Variants in POLR2B observed in about 807,000 individuals in gnomAD.
POLR2B encodes DNA-directed RNA polymerase II subunit RPB2.
POLR2B carries 57 observed loss-of-function variants against 144.6 expected under a neutral mutation model. The ratio of observed to expected loss-of-function variants is 0.39; its 90% CI spans 0.32 to 0.49. The LOEUF is 0.49. POLR2B is among the 20% of genes least tolerant of loss of function. POLR2B has a pLI of 0.83. For missense variants in POLR2B, 595 were observed against 1,467.4 expected (o/e 0.41, Z 9.71); for synonymous variants, 442 against 469.8 (o/e 0.94, Z 0.77).
chr4:56,986,751 A>G (rs972768318), intron 2 of POLR2B: 11 of 178,376 alleles, frequency 6.2e-5, no homozygotes, highest in Non-Finnish European at 9.3e-5. Flanking sequence ...CGAAGGTCGC[A>G]CCGCTGCACT....
At chr4:56,987,332 A>G (rs947090018) in intron 2 of POLR2B, among the ~76,000 whole-genome samples, 2 of 152,190 alleles carry the variant, frequency 1.3e-5, no homozygotes, top group African/African-American at 2.4e-5. Flanking sequence ...GAAGCCTTGT[A>G]TAGGTAAGAA....
rs576936326 is a variant in POLR2B at position 56,979,772 on chromosome 4, G to A, written c.19+768G>A. ...AAATTAGCCTAGTGTGATGGCGTGC[G>A]CCTGTAATCCCAGCTACTCGGGAGG... is the stretch of plus-strand genomic sequence containing the variant. On this transcript the variant is annotated intron_variant, in intron 1 of 24. Coordinates refer to ENST00000314595, the MANE Select transcript of POLR2B (RefSeq NM_000938.3). Among the ~76,000 whole-genome samples, 15 of 152,062 alleles carry A rather than the reference G, an allele frequency of 9.9e-5. No homozygotes were observed. The East Asian group carries it at 2.7e-3, about 27-fold the overall frequency.
chr4:57,003,667 ACT>A (rs775355431), intron 7 of POLR2B, among the ~76,000 whole-genome samples: 13 of 151,534 alleles, frequency 8.6e-5, no homozygotes, highest in Non-Finnish European at 1.5e-4. Flanking sequence ...AGCTTGGGAA[ACT>A]CTGTCTCTAC....
intron 1 of POLR2B, among the ~76,000 whole-genome samples, chr4:56,980,128 G>A (rs1276623587): frequency 7.0e-6 from 1 of 142,302 alleles, no homozygotes; most frequent in African/African-American, 2.6e-5. Context: ...GTCTGGCCAT[G>A]TTGCCCAGGC....
chr4:56,999,567 T>A (rs1191198225), intron 6 of POLR2B, 50 bp from the exon 7 acceptor site: 9 of 1,221,232 alleles, frequency 7.4e-6, no homozygotes, highest in Non-Finnish European at 1.0e-5. Context: ...GTTTTTATAT[T>A]GCTGTGAGCT....
At position 57,015,674 on chromosome 4, in the gene POLR2B, G is replaced by A. The variant is rs1348622103; in HGVS notation, c.1955+18G>A. 8.0e-7 allele frequency: 1 copy of A among 1,254,246 alleles called. No individual in the cohort carries two copies. The highest frequency in any genetic ancestry group is 2.8e-5 in the East Asian group (1 of 35,806). 77.7% of individuals were successfully genotyped at this position (1,254,246 alleles called of 1,614,324 possible). ...AACTATAGGTAAAAACATGCAGTGA[G>A]AAAAATGTGTGTATTAAAAATTGAG... On this transcript the variant is annotated intron_variant, in intron 14 of 24. Transcript: ENST00000314595.
At chr4:57,027,065 G>C (rs926844561) in intron 23 of POLR2B, among the ~76,000 whole-genome samples, 1 of 152,068 alleles carries the variant, frequency 6.6e-6, no homozygotes, top group Non-Finnish European at 1.5e-5. Context: ...CTGGAGTGCA[G>C]TGGTGCGATC....
At chr4:57,012,126 C>T (rs1188710957) in intron 13 of POLR2B, among the ~76,000 whole-genome samples, 3 of 151,794 alleles carry the variant, frequency 2.0e-5, no homozygotes, top group South Asian at 2.1e-4. Flanking sequence ...ACAATAAGGC[C>T]GGGCCTGGTG....
At chr4:57,018,800 TAAGA>T (rs1187413082) in intron 16 of POLR2B, among the ~76,000 whole-genome samples, 1 of 152,056 alleles carries the variant, frequency 6.6e-6, no homozygotes, top group East Asian at 1.9e-4. Flanking sequence ...GAAGAGAAAT[TAAGA>T]GAGAAGATTT....
At chr4:56,985,641 A>T (rs1277288) in intron 1 of POLR2B, among the ~76,000 whole-genome samples, 45,647 of 152,034 alleles carry the variant, frequency 0.3, 7,082 homozygotes, top group Admixed American at 0.4. Context: ...ACCTCAGGTG[A>T]TCCACCGACC....
intron 1 of POLR2B, among the ~76,000 whole-genome samples, chr4:56,983,360 C>G (rs571561626): frequency 7.3e-4 from 102 of 140,060 alleles, no homozygotes; most frequent in African/African-American, 2.6e-3. Flanking sequence ...CACGAGATCT[C>G]TGCTCAGGTT....
At chr4:56,996,238 G>GTGTGTGTGTGTA (rs1491167997) in intron 6 of POLR2B, among the ~76,000 whole-genome samples, 1 of 106,860 alleles carries the variant, frequency 9.4e-6, no homozygotes, top group African/African-American at 3.4e-5. Flanking sequence ...GTGTGTGTGT[G>GTGTGTGTGTGTA]TATGTATATG....
chr4:56,999,475 G>A (rs1285628334), intron 6 of POLR2B, 142 bp from the exon 7 acceptor site: 4 of 480,846 alleles, frequency 8.3e-6, no homozygotes, highest in Non-Finnish European at 1.4e-5. Flanking sequence ...AGCAGTCATA[G>A]GAGGTTCCTC....
At chr4:57,002,453 G>C (rs1722883188) in intron 7 of POLR2B, among the ~76,000 whole-genome samples, 1 of 152,160 alleles carries the variant, frequency 6.6e-6, no homozygotes, top group South Asian at 2.1e-4. Flanking sequence ...AAGTCTCTGA[G>C]TCAAGCATTC....
At chr4:57,000,980 T>G (rs1371631438) in intron 7 of POLR2B, among the ~76,000 whole-genome samples, 1 of 152,170 alleles carries the variant, frequency 6.6e-6, no homozygotes, top group Non-Finnish European at 1.5e-5. Context: ...ACAACAATAC[T>G]GTTAATGTAC....
intron 1 of POLR2B, among the ~76,000 whole-genome samples, chr4:56,985,927 A>C (rs3775082): frequency 0.029 from 4,449 of 152,256 alleles, 339 homozygotes; most frequent in East Asian, 0.25. Context: ...CGGATGGGAG[A>C]TAGGCTTGTG....
At chr4:56,982,627 CT>C (rs529715998) in intron 1 of POLR2B, among the ~76,000 whole-genome samples, 75 of 151,492 alleles carry the variant, frequency 5.0e-4, no homozygotes, top group South Asian at 2.3e-3. Context: ...AATGTACAGA[CT>C]TTTTTTTTCT....
chr4:57,010,263 T>C lies in POLR2B; in HGVS notation c.1405-98T>C, dbSNP rs1578579136. On this transcript the variant is annotated intron_variant, in intron 10 of 24. Coordinates refer to ENST00000314595, the MANE Select transcript of POLR2B (RefSeq NM_000938.3). ...AATAGAGAAATGGGGAACAGTTTGA[T>C]ACTCAGTAGATTATATGTAAAAATA... The C allele has an allele frequency of 2.3e-5, 24 of 1,057,178 alleles. No individual in the cohort carries two copies. In the East Asian group the frequency reaches 5.8e-4, roughly 25 times the overall value. 65.5% of individuals were successfully genotyped at this position (1,057,178 alleles called of 1,614,324 possible). A position where few individuals can be genotyped will look rare whatever the true frequency, so the allele number is the denominator to read the frequency against.
intron 10 of POLR2B, among the ~76,000 whole-genome samples, chr4:57,008,158 T>C (rs1234956557): frequency 1.3e-5 from 2 of 151,900 alleles, no homozygotes; most frequent in Non-Finnish European, 2.9e-5. Context: ...CTATGCCCTG[T>C]GCTGTGTTAT....
Sources: allele counts gnomAD v4.1 joint callset (sites outside exome capture counted in the v4.1 genomes callset), GRCh38; gene constraint gnomAD v4.1.1; transcripts MANE v1.5; gene names NCBI Gene and HGNC (gene_info 2026-07-23, HGNC 2026-07-21).